ZNF423: variants seen among roughly 807,000 people sequenced by gnomAD.
The protein encoded by ZNF423 is zinc finger protein 423.
In ZNF423, 12 loss-of-function variants were observed where a neutral mutation model predicts 95.8. The ratio of observed to expected loss-of-function variants is 0.13; its 90% confidence interval spans 0.08 to 0.20. The LOEUF is 0.20. Ranked by LOEUF, ZNF423 falls within the 10% of genes least tolerant of loss-of-function variation. The pLI, the probability that ZNF423 is intolerant of heterozygous loss-of-function variation, is 1.00. For missense variants in ZNF423, 1,316 were observed against 1,737.1 expected (o/e 0.76, Z 4.31); for synonymous variants, 749 against 711.9 (o/e 1.05, Z -0.83).
intron 3 of ZNF423, among the ~76,000 whole-genome samples, chr16:49,696,832 C>G (rs550749405): frequency 1.3e-5 from 2 of 152,310 alleles, no homozygotes; most frequent in African/African-American, 4.8e-5. Context: ...GGAGGCTCCT[C>G]GAAGGGACAA....
chr16:49,816,715 T>C (rs1173679596), intron 1 of ZNF423, among the ~76,000 whole-genome samples: 1 of 151,918 alleles, frequency 6.6e-6, no homozygotes, highest in Non-Finnish European at 1.5e-5. Context: ...GCCTGGGAGG[T>C]TGAGGCTGCA....
At chr16:49,523,822 G>A (rs540081784) in intron 6 of ZNF423, 83 bp from the exon 7 acceptor site, 3 of 1,121,304 alleles carry the variant, frequency 2.7e-6, no homozygotes, top group Non-Finnish European at 4.0e-6. Flanking sequence ...ACACTCGCAG[G>A]CAGGGATCAC....
chr16:49,527,034 G>A (rs1490132227), intron 5 of ZNF423, among the ~76,000 whole-genome samples: 1 of 152,230 alleles, frequency 6.6e-6, no homozygotes, highest in Non-Finnish European at 1.5e-5. Flanking sequence ...CTGGTGGCAA[G>A]ACATGAACAC....
intron 5 of ZNF423, among the ~76,000 whole-genome samples, chr16:49,593,770 A>G (rs1165779489): frequency 1.3e-5 from 2 of 152,138 alleles, no homozygotes; most frequent in Non-Finnish European, 2.9e-5. Context: ...CCTGGAAGAA[A>G]TCCACTTCCT....
Position 49,638,085 on chromosome 16 carries a change from C to T in ZNF423, c.1091G>A (p.Ser364Asn). The T allele has an allele frequency of 6.2e-7, 1 of 1,613,858 alleles. No individual in the cohort carries two copies. Among genetic ancestry groups the T allele is most frequent in the Non-Finnish European group, 8.5e-7 (1 of 1,179,970 alleles). ...CACGCTGCCCAGTACAGGGTCGGGA[C>T]TGACACTGTGGTTGCTGGAGTCGGG... ...RQPDSSNHSV[S>N]PDPVLGSVAS... Residue 364 changes from serine (S) to asparagine (N), a missense_variant, in exon 4 of 8, where the codon AGT (serine) becomes AAT (asparagine). Ser to Asn is a conservative substitution (Grantham distance 46, BLOSUM62 1). Around this residue, in one of 6 missense-constraint regions of ZNF423, gnomAD observed 399 missense variants for 478.5 expected, o/e 0.83. Coordinates refer to ENST00000563137, the MANE Select transcript of ZNF423 (RefSeq NM_001379286.1). The surrounding 1 kb of genome is among the most constrained non-coding windows in gnomAD (Gnocchi z 5.6).
At chr16:49,847,815 A>G (rs73571612) in intron 1 of ZNF423, among the ~76,000 whole-genome samples, 29,602 of 152,042 alleles carry the variant, frequency 0.19, 3,034 homozygotes, top group African/African-American at 0.26. Context: ...GTATGTACTT[A>G]ATGCCTCTGA....
chr16:49,712,399 G>GA (rs1323461139), intron 3 of ZNF423, among the ~76,000 whole-genome samples: 1 of 151,870 alleles, frequency 6.6e-6, no homozygotes, highest in African/African-American at 2.4e-5. Flanking sequence ...AGTGCCATTG[G>GA]AAAAAAAAGA....
intron 1 of ZNF423, among the ~76,000 whole-genome samples, chr16:49,835,660 C>T (rs576626410): frequency 2.0e-5 from 3 of 152,310 alleles, no homozygotes; most frequent in East Asian, 1.9e-4. Flanking sequence ...AAAAAAGGGA[C>T]GCAACCACCC....
intron 5 of ZNF423, among the ~76,000 whole-genome samples, chr16:49,608,489 T>G (rs1362162772): frequency 6.6e-6 from 1 of 152,162 alleles, no homozygotes; most frequent in Non-Finnish European, 1.5e-5. Context: ...TCCCTATTCC[T>G]CTGTCGAAGT....
intron 5 of ZNF423, among the ~76,000 whole-genome samples, chr16:49,575,963 G>A (rs1006349380): frequency 3.3e-5 from 5 of 152,142 alleles, no homozygotes; most frequent in Non-Finnish European, 7.3e-5. Context: ...CTGTCTTAGG[G>A]TGGGGTCCTT....
intron 2 of ZNF423, among the ~76,000 whole-genome samples, chr16:49,788,731 G>A (rs944882138): frequency 1.1e-4 from 17 of 152,308 alleles, no homozygotes; most frequent in African/African-American, 4.1e-4. Context: ...GACAAGGAAG[G>A]GGATCCCGGC....
Position 49,815,908 on chromosome 16 carries a change from ATATATATTTTTTTTTTT to A in ZNF423, c.41-26379_41-26363del, listed in dbSNP as rs1597035721. Among the ~76,000 whole-genome samples the A allele has an allele frequency of 9.7e-5, 4 of 41,250 alleles. No individual in the cohort carries two copies. The South Asian group carries it at 4.8e-3, about 49-fold the overall frequency. The allele number at this position is 41,250 out of a possible 152,430, so 27.1% of individuals were successfully genotyped here. ...TATATATATATATATATATATATAT[ATATATATTTTTTTTTTT>A]TTTTTTTTTTTGAGACAAAGTCTCA... On this transcript the variant is annotated intron_variant, in intron 1 of 7. Coordinates refer to ENST00000563137, the MANE Select transcript of ZNF423 (RefSeq NM_001379286.1).
intron 3 of ZNF423, among the ~76,000 whole-genome samples, chr16:49,692,760 T>C (rs1409330017): frequency 6.6e-6 from 1 of 152,256 alleles, no homozygotes; most frequent in African/African-American, 2.4e-5. Context: ...GTTTTTAACA[T>C]ATGCCCACAT....
In ZNF423 at chr16:49,636,837, C is replaced by G. The variant is rs776014711; in HGVS notation, c.2339G>C (p.Ser780Thr). ...AGCCTTGGCCGGGTTGCCCAGGTGG[C>G]TGTGTTTGACGTGCACCTGCAGGTC... ...EADLQVHVKH[S>T]HLGNPAKAHK... The change falls in exon 4 of 8, where the codon AGC becomes ACC. Residue 780 changes from serine to threonine, a missense_variant. Physicochemically the swap from Ser to Thr is moderately conservative, Grantham distance 58. Around this residue, in one of 6 missense-constraint regions of ZNF423, gnomAD observed 620 missense variants for 775.6 expected, o/e 0.80. Coordinates refer to ENST00000563137, the MANE Select transcript of ZNF423 (RefSeq NM_001379286.1). This position sits in a 1 kb window ranked among gnomAD's most constrained non-coding sequence, Gnocchi z 8.6. The G allele has an allele frequency of 2.5e-6, 4 of 1,614,088 alleles. No individual in the cohort carries two copies. The South Asian group carries it at 4.4e-5, about 18-fold the overall frequency.
At chr16:49,538,333 C>G (rs1969125472) in intron 5 of ZNF423, among the ~76,000 whole-genome samples, 1 of 152,236 alleles carries the variant, frequency 6.6e-6, no homozygotes, top group Non-Finnish European at 1.5e-5. Flanking sequence ...CCGTACAGCT[C>G]TGGCTGGCAT....
intron 2 of ZNF423, among the ~76,000 whole-genome samples, chr16:49,754,146 G>A (rs2033683031): frequency 6.6e-6 from 1 of 152,134 alleles, no homozygotes; most frequent in Admixed American, 6.5e-5. Context: ...GGAGAAGTTT[G>A]GCTTTAGTAA....
intron 1 of ZNF423, among the ~76,000 whole-genome samples, chr16:49,809,531 T>A (rs1039644426): frequency 6.6e-6 from 1 of 152,094 alleles, no homozygotes; most frequent in Non-Finnish European, 1.5e-5. Flanking sequence ...GTCCTGCTGG[T>A]CCTGGAACCC....
At chr16:49,678,026 G>A (rs896836593) in intron 3 of ZNF423, among the ~76,000 whole-genome samples, 1 of 151,750 alleles carries the variant, frequency 6.6e-6, no homozygotes, top group Non-Finnish European at 1.5e-5. Context: ...CTACTAAAAA[G>A]ACAAAAATTA....
chr16:49,602,728 G>A (rs973068569), intron 5 of ZNF423, among the ~76,000 whole-genome samples: 3 of 152,150 alleles, frequency 2.0e-5, no homozygotes, highest in East Asian at 3.9e-4. Flanking sequence ...AACCAGGTCA[G>A]AGAAAACCGG....
Sources: gnomAD v4.1 joint callset for allele counts (sites outside exome capture counted in the v4.1 genomes callset) on GRCh38, gnomAD v4.1.1 for gene constraint, gnomAD v4.1.1 regional missense constraint, Gnocchi (gnomAD v3.1) non-coding constraint, MANE v1.5 for transcripts, NCBI Gene and HGNC (gene_info 2026-07-23, HGNC 2026-07-21) for gene names.